Variants in CGN observed in about 807,000 individuals in gnomAD.
CGN encodes cingulin.
Under a neutral mutation model 157.1 loss-of-function variants are expected in CGN, and 121 were observed. The ratio of observed to expected loss-of-function variants is 0.77; its 90% CI spans 0.66 to 0.90. CGN has a LOEUF of 0.90. Ranked by LOEUF, CGN falls within the 40% of genes least tolerant of loss-of-function variation. CGN has a pLI of 0.00. For missense variants in CGN, 1,424 were observed against 1,520.9 expected (o/e 0.94, Z 1.06); for synonymous variants, 535 against 607.5 (o/e 0.88, Z 1.76).
At chr1:151,532,611 T>TAA in intron 14 of CGN, 39 bp downstream of exon 14, 1 of 623,294 alleles carries the variant, frequency 1.6e-6, no homozygotes, top group Non-Finnish European at 2.3e-6. Flanking sequence ...GGTCCTTGCC[T>TAA]CTTTTTTTTT....
chr1:151,529,213 GA>G, intron 10 of CGN, 136 bp from the exon 11 acceptor site: 1 of 672,772 alleles, frequency 1.5e-6, no homozygotes, highest in South Asian at 2.0e-5. Flanking sequence ...AACTTTTTGA[GA>G]AACTGCCAAA....
At position 151,538,330 on chromosome 1, in the gene CGN, A is replaced by G. The variant is rs1279696757; in HGVS notation, c.*984A>G. The stretch of plus-strand genomic sequence containing the variant: ...CTCTGACCACATGTGCCCAACTTCA[A>G]TAAGAGAACCAAGGGACCCTCATTT... On this transcript the variant is annotated 3_prime_UTR_variant, in exon 21 of 21. Transcript: ENST00000271636. The G allele has an allele frequency of 1.3e-5, 2 of 152,218 alleles. No individual in the cohort carries two copies. Among genetic ancestry groups the G allele is most frequent in the Non-Finnish European group, 1.5e-5 (1 of 68,046 alleles). The allele number at this position is 152,218 out of a possible 1,614,324, so 9.4% of individuals were successfully genotyped here.
chr1:151,519,466 A>G (rs949648244), intron 2 of CGN, 74 bp downstream of exon 2: 1 of 1,346,120 alleles, frequency 7.4e-7, no homozygotes, highest in Non-Finnish European at 1.0e-6. Context: ...CCCACCAGCC[A>G]TGAGCCTCCT....
chr1:151,519,774 C>G (rs928480922), intron 2 of CGN, among the ~76,000 whole-genome samples: 1 of 152,200 alleles, frequency 6.6e-6, no homozygotes, highest in Admixed American at 6.5e-5. Context: ...CTCTCCTACT[C>G]AGGAATGTAA....
intron 13 of CGN, among the ~76,000 whole-genome samples, chr1:151,531,586 T>C (rs1664838603): frequency 2.0e-5 from 3 of 151,924 alleles, no homozygotes; most frequent in Admixed American, 2.0e-4. Context: ...GCCCAGGAGG[T>C]TGAGGCTGCA....
At chr1:151,511,316 G>A (rs1182562140), upstream of CGN, 1 of 153,194 alleles carries the variant, frequency 6.5e-6, no homozygotes, top group Non-Finnish European at 1.5e-5. This position sits in a 1 kb window ranked among gnomAD's most constrained non-coding sequence, Gnocchi z 4.8. Flanking sequence ...GGAAAGGCGG[G>A]GCGGGCACTG....
intron 18 of CGN, 27 bp from the exon 19 acceptor site, chr1:151,536,210 C>A: frequency 1.4e-6 from 2 of 1,393,142 alleles, no homozygotes; most frequent in South Asian, 2.3e-5. Context: ...TGGGGACACT[C>A]ATAGACATTC....
chr1:151,534,201 C>G (rs115175639), intron 15 of CGN, 65 bp downstream of exon 15: 1 of 1,432,766 alleles, frequency 7.0e-7, no homozygotes, highest in Non-Finnish European at 9.4e-7. Context: ...TCTGTACTAG[C>G]GGTCAAAACC....
intron 2 of CGN, 95 bp from the exon 3 acceptor site, chr1:151,520,071 C>A: frequency 3.3e-6 from 3 of 899,570 alleles, no homozygotes; most frequent in East Asian, 5.3e-5. Flanking sequence ...GAGACTGCCA[C>A]TTCTCCTCCA....
chr1:151,532,520 G>A lies in CGN; in HGVS notation c.2690G>A (p.Trp897Ter), dbSNP rs555003019. 6.2e-7 allele frequency: 1 copy of A among 1,601,478 alleles called. No homozygotes were observed. The highest frequency in any genetic ancestry group is 8.5e-7 in the Non-Finnish European group (1 of 1,175,166). Residue 897 changes from tryptophan to a stop codon, truncating the protein, a stop_gained, in exon 14 of 21, where the codon TGG becomes TAG. Coordinates refer to ENST00000271636, the MANE Select transcript of CGN (RefSeq NM_020770.3). LOFTEE classifies it high-confidence loss of function. The part of the protein sequence containing the change: ...VADAQRQAKD[W>*]ASEAEKTSGG... ...GATGCCCAGCGCCAGGCCAAGGATT[G>A]GGCCAGTGAGGCTGAGAAGACCTCT...
chr1:151,521,612 G>A (rs1002426367), intron 5 of CGN, among the ~76,000 whole-genome samples: 1 of 152,200 alleles, frequency 6.6e-6, no homozygotes, highest in Admixed American at 6.5e-5. Flanking sequence ...GCTGAGGCAG[G>A]CAGATCACCT....
At chr1:151,532,817 C>T (rs1274794661) in intron 14 of CGN, among the ~76,000 whole-genome samples, 3 of 151,960 alleles carry the variant, frequency 2.0e-5, no homozygotes, top group Non-Finnish European at 4.4e-5. Context: ...GACGGGGTTT[C>T]ACCGTGTTAG....
chr1:151,533,156 G>A (rs1664876711), intron 14 of CGN, among the ~76,000 whole-genome samples: 1 of 152,176 alleles, frequency 6.6e-6, no homozygotes, highest in Admixed American at 6.5e-5. Flanking sequence ...AACTCCTCAG[G>A]TGATTCCAAG....
chr1:151,530,615 C>T lies in CGN; in HGVS notation c.2440C>T (p.Gln814Ter), dbSNP rs1664812962. ...EAQRGLARLG[Q>*]EQQTLNRALE... ...TCAGCGGGGGCTGGCCCGCCTGGGGCAGGAGCAGCAGACACTGAACCGGGC... is the reference window on the plus strand; with the variant it reads ...TCAGCGGGGGCTGGCCCGCCTGGGGTAGGAGCAGCAGACACTGAACCGGGC... The change falls in exon 13 of 21, where the codon CAG becomes TAG. Residue 814 changes from glutamine to a stop codon, truncating the protein, a stop_gained. Coordinates refer to ENST00000271636, the MANE Select transcript of CGN (RefSeq NM_020770.3). LOFTEE classifies it high-confidence loss of function. The T allele has an allele frequency of 6.2e-7, 1 of 1,609,658 alleles. No homozygotes were observed. The highest frequency in any genetic ancestry group is 8.5e-7 in the Non-Finnish European group (1 of 1,177,974).
chr1:151,536,563 A>G (rs1209470995), intron 19 of CGN, among the ~76,000 whole-genome samples, 167 bp from the exon 20 acceptor site: 1 of 152,216 alleles, frequency 6.6e-6, no homozygotes, highest in African/African-American at 2.4e-5. Context: ...AGTATTACAC[A>G]TGTGTTAATA....
At chr1:151,535,196 A>C (rs2102503977) in intron 16 of CGN, 65 bp downstream of exon 16, 2 of 1,225,278 alleles carry the variant, frequency 1.6e-6, no homozygotes, top group South Asian at 1.3e-5. Context: ...TCTCTCAAAA[A>C]CAACTCTACC....
At position 151,524,214 on chromosome 1, in the gene CGN, A is replaced by G. The variant is rs113217878; in HGVS notation, c.1269-12A>G. On this transcript the variant is annotated splice_polypyrimidine_tract_variant and intron_variant, in intron 6 of 20. Coordinates refer to ENST00000271636, the MANE Select transcript of CGN (RefSeq NM_020770.3). This position sits in a 1 kb window ranked among gnomAD's most constrained non-coding sequence, Gnocchi z 4.4. ...CTGACACATAGTGTGCAATAATGTTATCTATTATTAGGCTCCAGAACATGA... is the reference window on the plus strand; with the variant it reads ...CTGACACATAGTGTGCAATAATGTTGTCTATTATTAGGCTCCAGAACATGA... 1.2e-6 allele frequency: 2 copies of G among 1,602,130 alleles called. No individual in the cohort carries two copies. Among genetic ancestry groups the G allele is most frequent in the African/African-American group, 1.3e-5 (1 of 74,824 alleles).
Position 151,523,564 on chromosome 1 carries a change from G to A in CGN, c.1268+3G>A. 6.2e-7 allele frequency: 1 copy of A among 1,601,922 alleles called. No homozygotes were observed. Among genetic ancestry groups the A allele is most frequent in the Non-Finnish European group, 8.5e-7 (1 of 1,175,074 alleles). On this transcript the variant is annotated splice_donor_region_variant and intron_variant, in intron 6 of 20. Coordinates refer to ENST00000271636, the MANE Select transcript of CGN (RefSeq NM_020770.3). ...GAGGCCCAGCAGAGCAACAAGGAGTGAGTGCAGCTGGTGGCGCACCTCGGG... is the reference window on the plus strand; with the variant it reads ...GAGGCCCAGCAGAGCAACAAGGAGTAAGTGCAGCTGGTGGCGCACCTCGGG...
intron 10 of CGN, chr1:151,527,950 A>ATATATATATTTTTTT (rs1162526104): frequency 2.5e-5 from 2 of 80,472 alleles, no homozygotes; most frequent in Admixed American, 4.5e-4. Flanking sequence ...ATATATATAT[A>ATATATATATTTTTTT]TTTTTTTTTT....
Sources: gnomAD v4.1 joint callset for allele counts (sites outside exome capture counted in the v4.1 genomes callset) on GRCh38, gnomAD v4.1.1 for gene constraint, Gnocchi (gnomAD v3.1) non-coding constraint, MANE v1.5 for transcripts, NCBI Gene and HGNC (gene_info 2026-07-23, HGNC 2026-07-21) for gene names.